Variants in MYH15 observed in about 807,000 individuals in gnomAD.
The protein encoded by MYH15 is myosin heavy chain 15.
A neutral mutation model predicts 240.5 loss-of-function variants in MYH15; 227 were observed. The observed-to-expected ratio is 0.94, with a 90% confidence interval of 0.85 to 1.05. MYH15 has a LOEUF of 1.05. MYH15 is among the 50% of genes least tolerant of loss of function. MYH15 has a pLI of 0.00. For synonymous variants in MYH15, 785 were observed against 796.7 expected, an observed-to-expected ratio of 0.99 and a Z score of 0.25; for missense variants, 2,217 against 2,247.5, an observed-to-expected ratio of 0.99 and a Z score of 0.27.
Position 108,456,818 on chromosome 3 carries a change from T to C in MYH15, c.2086A>G (p.Ile696Val). ...RCNGVLEGTR[I>V]CREGFPNRLQ... ...CGGTTTGGAAAACCTTCACGGCATA[T>C]CCTAGTCCCTTCCAAGACACCATTA... The change falls in exon 19 of 41, where the codon ATA (isoleucine) becomes GTA (valine). Residue 696 changes from isoleucine (I) to valine (V), a missense_variant. Ile to Val is a conservative substitution (Grantham distance 29). Transcript: ENST00000693548. The C allele has an allele frequency of 1.2e-6, 2 of 1,613,776 alleles. No individual in the cohort carries two copies. Among genetic ancestry groups the C allele is most frequent in the Non-Finnish European group, 1.7e-6 (2 of 1,179,830 alleles).
intron 23 of MYH15, among the ~76,000 whole-genome samples, chr3:108,440,587 G>C (rs1024500019): frequency 6.6e-6 from 1 of 150,692 alleles, no homozygotes; most frequent in African/African-American, 2.4e-5. Flanking sequence ...CCCTTAACTA[G>C]AATTAAAGTG....
At chr3:108,402,510 T>C (rs1471006609) in intron 33 of MYH15, among the ~76,000 whole-genome samples, 1 of 152,238 alleles carries the variant, frequency 6.6e-6, no homozygotes, top group African/African-American at 2.4e-5. Context: ...TGTTAAGTAG[T>C]TGCCACATCT....
intron 27 of MYH15, among the ~76,000 whole-genome samples, chr3:108,426,188 A>G (rs1350674961): frequency 4.6e-5 from 7 of 150,818 alleles, no homozygotes; most frequent in African/African-American, 1.7e-4. Context: ...ATTGTGAAGA[A>G]TAAAAAAGTA....
intron 5 of MYH15, among the ~76,000 whole-genome samples, chr3:108,498,670 G>A (rs1485402937): frequency 1.3e-5 from 2 of 152,148 alleles, no homozygotes; most frequent in Non-Finnish European, 2.9e-5. Flanking sequence ...TAGAATCAAG[G>A]CCTGCCTGCC....
Position 108,398,749 on chromosome 3 carries a change from TGAA to T in MYH15, c.5018_5020del (p.Leu1673del). On this transcript the variant is annotated inframe_deletion, in exon 35 of 41. Transcript: ENST00000693548. ...GGACCTTAGATCCTCTAGTTCAGACTGAAGAAGAGAGTTGCGCCGCTCAGCCAC... is the reference window on the plus strand; with the variant it reads ...GGACCTTAGATCCTCTAGTTCAGACTGAAGAGAGTTGCGCCGCTCAGCCAC... 1 of 1,614,220 alleles carries T rather than the reference TGAA, an allele frequency of 6.2e-7. No individual in the cohort carries two copies. Among genetic ancestry groups the T allele is most frequent in the Non-Finnish European group, 8.5e-7 (1 of 1,180,040 alleles).
At chr3:108,470,267 TTTCAAG>T in intron 13 of MYH15, 55 bp from the exon 14 acceptor site, 7 of 1,299,388 alleles carry the variant, frequency 5.4e-6, no homozygotes, top group Non-Finnish European at 7.4e-6. Flanking sequence ...TGAGGTCCAC[TTTCAAG>T]AATGTCCAGT....
intron 18 of MYH15, among the ~76,000 whole-genome samples, chr3:108,458,055 T>TC (rs1205131425): frequency 6.7e-6 from 1 of 150,008 alleles, no homozygotes; most frequent in Non-Finnish European, 1.5e-5. Context: ...CTCAAATTAT[T>TC]TTTTTTAAAA....
chr3:108,522,134 C>CT (rs1371788366), intron 1 of MYH15, among the ~76,000 whole-genome samples: 1 of 151,956 alleles, frequency 6.6e-6, no homozygotes, highest in Non-Finnish European at 1.5e-5. Context: ...CACCAATAGA[C>CT]TCGGAGGGCA....
chr3:108,454,855 G>T (rs1174241193), intron 20 of MYH15, among the ~76,000 whole-genome samples: 3 of 152,170 alleles, frequency 2.0e-5, no homozygotes, highest in Non-Finnish European at 2.9e-5. Flanking sequence ...GCCCAACCCT[G>T]AGAATGAGAG....
rs1401913242 is a variant in MYH15 at position 108,399,118 on chromosome 3, G to C, written c.4886C>G (p.Ser1629Ter). The change falls in exon 34 of 41, where the codon TCA becomes TGA. Residue 1629 changes from serine (S) to a stop codon, truncating the protein, a stop_gained. Coordinates refer to ENST00000693548, the MANE Select transcript of MYH15 (RefSeq NM_014981.3). LOFTEE classifies it high-confidence loss of function. ...CTGGCCCAGGGATTTGGTTGCTTCT[G>C]ACACCTGCCGGTTGGCACAGCTAAG... is the stretch of plus-strand genomic sequence containing the variant. ...LQLSCANRQV[S>*]EATKSLGQLQ... 1.9e-6 allele frequency: 3 copies of C among 1,614,056 alleles called. No homozygotes were observed. The highest frequency in any genetic ancestry group is 2.5e-6 in the Non-Finnish European group (3 of 1,180,030).
chr3:108,525,738 C>T (rs975325825), intron 1 of MYH15, among the ~76,000 whole-genome samples: 5 of 151,908 alleles, frequency 3.3e-5, no homozygotes, highest in Admixed American at 2.0e-4. Flanking sequence ...ATAATGATGG[C>T]GGCAAAGCAG....
intron 21 of MYH15, among the ~76,000 whole-genome samples, chr3:108,450,363 A>G (rs2082962282): frequency 6.6e-6 from 1 of 152,222 alleles, no homozygotes; most frequent in Admixed American, 6.5e-5. Flanking sequence ...ATATTATTCA[A>G]CCTTAAAAAA....
At chr3:108,396,931 A>G (rs2082466125) in intron 35 of MYH15, among the ~76,000 whole-genome samples, 1 of 152,074 alleles carries the variant, frequency 6.6e-6, no homozygotes, top group African/African-American at 2.4e-5. Flanking sequence ...GTTCCTTGGG[A>G]TTATCCTTCA....
chr3:108,428,576 C>T lies in MYH15; in HGVS notation c.3618G>A (p.Lys1206=). 6.2e-7 allele frequency: 1 copy of T among 1,613,998 alleles called. No homozygotes were observed. Residue 1206 remains lysine (K), a synonymous_variant, in exon 27 of 41, where the codon AAG becomes AAA. Transcript: ENST00000693548. ...EGQVENLQQV[K]QKLEKDKSDL... is the part of the protein sequence containing the mutation. ...CACTCTTGTCTTTTTCCAGTTTCTG[C>T]TTGACCTGCTGTAGATTTTCTACCT...
chr3:108,483,183 G>T (rs1362532997), intron 11 of MYH15, among the ~76,000 whole-genome samples: 6 of 137,134 alleles, frequency 4.4e-5, no homozygotes, highest in African/African-American at 8.2e-5. Context: ...CTAAGCCACA[G>T]AGCAAGACTC....
chr3:108,540,566 G>A, the MYH15 span, among the ~76,000 whole-genome samples: 2 of 152,008 alleles, frequency 1.3e-5, no homozygotes, highest in African/African-American at 2.4e-5. Context: ...TATAGATATC[G>A]AAAAGATCTG....
At position 108,448,897 on chromosome 3, in the gene MYH15, C is replaced by T. The variant is rs149519644; in HGVS notation, c.2400-4002G>A. Among the ~76,000 whole-genome samples the T allele has an allele frequency of 5.0e-3, 756 of 151,640 alleles. 6 individuals are homozygous for T. The highest frequency in any genetic ancestry group is 0.013 in the African/African-American group (555 of 41,346). On this transcript the variant is annotated intron_variant, in intron 21 of 40. Transcript: ENST00000693548. The stretch of plus-strand genomic sequence containing the variant: ...AACCACCAAAAAAACAGAATTAACA[C>T]GCTTGTAAAGTTGCAGGATAAAAAA...
chr3:108,456,952 A>G (rs1409934928), intron 18 of MYH15, 69 bp from the exon 19 acceptor site: 4 of 1,120,174 alleles, frequency 3.6e-6, no homozygotes, highest in Non-Finnish European at 5.4e-6. Context: ...TTTTGAACCA[A>G]TTGCTGCATC....
At chr3:108,467,442 T>A (rs959770168) in intron 14 of MYH15, among the ~76,000 whole-genome samples, 2 of 152,172 alleles carry the variant, frequency 1.3e-5, no homozygotes, top group Non-Finnish European at 2.9e-5. Context: ...TACTATTGAC[T>A]ACTAACATGA....
Sources: gnomAD v4.1 joint callset for allele counts (sites outside exome capture counted in the v4.1 genomes callset) on GRCh38, gnomAD v4.1.1 for gene constraint, MANE v1.5 for transcripts, NCBI Gene and HGNC (gene_info 2026-07-23, HGNC 2026-07-21) for gene names.